CHODL: variants seen among roughly 807,000 people sequenced by gnomAD.
CHODL encodes the protein chondrolectin, also known as transmembrane protein MT75.
A neutral mutation model predicts 34.5 loss-of-function variants in CHODL; 29 were observed. That is an observed-to-expected ratio of 0.84 (90% CI 0.63 to 1.15). CHODL has a LOEUF of 1.15. Ranked by LOEUF, CHODL falls within the 50% of genes most tolerant of loss-of-function variation. CHODL has a pLI of 0.00. For missense variants in CHODL, 332 were observed against 332.5 expected, an observed-to-expected ratio of 1.00 and a Z score of 0.01; for synonymous variants, 125 against 116.1, an observed-to-expected ratio of 1.08 and a Z score of -0.49.
At chr21:18,143,695 G>A (rs1385534797) in intron 2 of CHODL, among the ~76,000 whole-genome samples, 1 of 151,954 alleles carries the variant, frequency 6.6e-6, no homozygotes, top group African/African-American at 2.4e-5. Flanking sequence ...AAATCACTTA[G>A]CATAGTGTCC....
chr21:18,220,635 CTTTA>C (rs1025421474), intron 2 of CHODL, among the ~76,000 whole-genome samples: 2 of 151,436 alleles, frequency 1.3e-5, no homozygotes, highest in African/African-American at 2.4e-5. Context: ...TCATGGAAAA[CTTTA>C]TTTCTCTTTC....
intron 2 of CHODL, among the ~76,000 whole-genome samples, chr21:18,219,781 T>A (rs533532724): frequency 6.6e-6 from 1 of 152,048 alleles, no homozygotes; most frequent in African/African-American, 2.4e-5. Flanking sequence ...TAGTTGTATT[T>A]TTTTTTTTGC....
At chr21:18,101,598 A>C (rs1051828688) in intron 2 of CHODL, among the ~76,000 whole-genome samples, 1 of 152,168 alleles carries the variant, frequency 6.6e-6, no homozygotes, top group African/African-American at 2.4e-5. Flanking sequence ...TCTAACCTAC[A>C]TTTTAAATGT....
intron 2 of CHODL, among the ~76,000 whole-genome samples, chr21:18,236,824 A>G (rs1026604147): frequency 4.1e-4 from 62 of 152,126 alleles, no homozygotes; most frequent in African/African-American, 1.4e-3. Flanking sequence ...TTATTAACAG[A>G]TAGATAAAAT....
At chr21:18,222,542 T>G (rs1371218124) in intron 2 of CHODL, among the ~76,000 whole-genome samples, 1 of 152,152 alleles carries the variant, frequency 6.6e-6, no homozygotes, top group African/African-American at 2.4e-5. Flanking sequence ...GGGCTTTTTT[T>G]GTGGCTTGGG....
chr21:18,196,319 T>G (rs908326203), intron 2 of CHODL, among the ~76,000 whole-genome samples: 3 of 152,230 alleles, frequency 2.0e-5, no homozygotes, highest in African/African-American at 7.2e-5. Flanking sequence ...AACATGGAAC[T>G]TTGATTAAGA....
chr21:17,998,745 A>G (rs1199518820), intron 1 of CHODL, among the ~76,000 whole-genome samples: 2 of 152,092 alleles, frequency 1.3e-5, no homozygotes, highest in African/African-American at 2.4e-5. Flanking sequence ...AGCCTTGAAC[A>G]TAGAGCACCA....
At chr21:18,247,027 C>A (rs2074149710) in intron 1 of CHODL, among the ~76,000 whole-genome samples, 1 of 152,034 alleles carries the variant, frequency 6.6e-6, no homozygotes, top group Non-Finnish European at 1.5e-5. Flanking sequence ...ATTCAATTGT[C>A]TTTGGTCATA....
At chr21:18,021,788 AG>A (rs2064129864) in intron 1 of CHODL, among the ~76,000 whole-genome samples, 1 of 114,224 alleles carries the variant, frequency 8.8e-6, no homozygotes, top group Non-Finnish European at 1.8e-5. Flanking sequence ...GAAAAAGGGT[AG>A]GAGAATGTAT....
intron 2 of CHODL, among the ~76,000 whole-genome samples, chr21:18,098,802 T>C (rs1185733410): frequency 1.3e-5 from 2 of 152,090 alleles, no homozygotes; most frequent in Admixed American, 6.6e-5. Flanking sequence ...CTGCTCACAG[T>C]AGCCAAGACT....
chr21:18,099,813 G>A (rs1285971070), intron 2 of CHODL: 1 of 152,100 alleles, frequency 6.6e-6, no homozygotes, highest in East Asian at 1.9e-4. Flanking sequence ...AAGTGGGTGG[G>A]TTAACTAAGA....
At chr21:18,134,245 C>T (rs1235831455) in intron 2 of CHODL, 2 of 480,464 alleles carry the variant, frequency 4.2e-6, no homozygotes, top group Non-Finnish European at 8.4e-6. Context: ...GTGCATATGC[C>T]TCTGCCTGAT....
intron 2 of CHODL, among the ~76,000 whole-genome samples, chr21:18,203,504 C>T (rs1429239755): frequency 6.6e-6 from 1 of 152,088 alleles, no homozygotes; most frequent in Non-Finnish European, 1.5e-5. Context: ...TTTCTAGCTA[C>T]ACATTCCATT....
intron 2 of CHODL, among the ~76,000 whole-genome samples, chr21:18,101,213 T>G (rs2065209321): frequency 6.6e-6 from 1 of 152,156 alleles, no homozygotes; most frequent in East Asian, 1.9e-4. Context: ...TTTTGCCTGC[T>G]GTCTTCCGTG....
chr21:18,265,310 C>CATATATATATAT (rs149734647), intron 5 of CHODL, among the ~76,000 whole-genome samples: 10 of 147,148 alleles, frequency 6.8e-5, no homozygotes, highest in African/African-American at 2.0e-4. Context: ...CACACACACA[C>CATATATATATAT]ATATATATAT....
At chr21:18,120,075 T>C (rs2065461489) in intron 2 of CHODL, among the ~76,000 whole-genome samples, 2 of 152,164 alleles carry the variant, frequency 1.3e-5, no homozygotes, top group Non-Finnish European at 1.5e-5. Flanking sequence ...TATTCCCCAG[T>C]AGCTCTTGAT....
At chr21:18,000,804 A>AT (rs2063898120) in intron 1 of CHODL, among the ~76,000 whole-genome samples, 1 of 152,228 alleles carries the variant, frequency 6.6e-6, no homozygotes, top group Admixed American at 6.5e-5. Flanking sequence ...AAATACTCAT[A>AT]TTAATTATAA....
At chr21:18,046,204 G>A (rs893761312) in intron 2 of CHODL, among the ~76,000 whole-genome samples, 12 of 151,950 alleles carry the variant, frequency 7.9e-5, no homozygotes, top group African/African-American at 1.2e-4. Flanking sequence ...AAAAGGCCAC[G>A]TAGACATGGG....
chr21:17,937,940 A>T (rs1361194611), intron 1 of CHODL, among the ~76,000 whole-genome samples: 1 of 152,202 alleles, frequency 6.6e-6, no homozygotes, highest in East Asian at 1.9e-4. Flanking sequence ...GTTTATAGAG[A>T]TCAAAAGTCT....
Sources: allele counts gnomAD v4.1 joint callset (sites outside exome capture counted in the v4.1 genomes callset), GRCh38; gene constraint gnomAD v4.1.1; transcripts MANE v1.5; gene names NCBI Gene and HGNC (gene_info 2026-07-23, HGNC 2026-07-21).